The following GREB1 variants were observed in gnomAD, a reference collection of about 807,000 sequenced individuals.
GREB1 encodes growth regulating estrogen receptor binding 1, also known as protein GREB1.
Under a neutral mutation model 200.7 loss-of-function variants are expected in GREB1, and 106 were observed. The ratio of observed to expected loss-of-function variants is 0.53; its 90% CI spans 0.45 to 0.62. GREB1 has a LOEUF of 0.62. GREB1 is among the 20% of genes least tolerant of loss of function. The pLI is 0.00. For synonymous variants in GREB1, 1,132 were observed against 1,092.4 expected, an observed-to-expected ratio of 1.04 and a Z score of -0.72; for missense variants, 2,243 against 2,556.8, an observed-to-expected ratio of 0.88 and a Z score of 2.65.
At position 11,596,022 on chromosome 2, in the gene GREB1, C is replaced by T. The variant is rs115647382; in HGVS notation, c.1826-89C>T. 1,537 of 1,314,846 alleles carry T rather than the reference C, an allele frequency of 1.2e-3. 15 individuals are homozygous for T. The African/African-American group carries it at 0.02, about 17-fold the overall frequency. The allele number at this position is 1,314,846 out of a possible 1,614,324, so 81.4% of individuals were successfully genotyped here. On this transcript the variant is annotated intron_variant, in intron 12 of 32. Transcript: ENST00000381486. The stretch of plus-strand genomic sequence containing the variant: ...TCTTTACCTTCATGACTCCAGGCCT[C>T]GGGACAGTACCTGACACTAACTGCG...
chr2:11,595,790 C>T (rs1558606340), intron 12 of GREB1, among the ~76,000 whole-genome samples: 2 of 152,124 alleles, frequency 1.3e-5, no homozygotes, highest in Non-Finnish European at 2.9e-5. Context: ...GCTACCCACC[C>T]CTCAAGACTC....
chr2:11,566,019 T>TTATATA (rs60231852), intron 3 of GREB1, among the ~76,000 whole-genome samples: 18,818 of 148,894 alleles, frequency 0.13, 1,465 homozygotes, highest in South Asian at 0.21. Context: ...ATAACTATGA[T>TTATATA]TATATATATA....
intron 1 of GREB1, among the ~76,000 whole-genome samples, chr2:11,550,520 G>A (rs1253772796): frequency 6.6e-6 from 1 of 152,170 alleles, no homozygotes; most frequent in Non-Finnish European, 1.5e-5. Flanking sequence ...CCAGACTTCT[G>A]CAGAGAAGGG....
chr2:11,484,991 C>T (rs369068242), intron 1 of GREB1, among the ~76,000 whole-genome samples: 2 of 152,146 alleles, frequency 1.3e-5, no homozygotes, highest in Admixed American at 6.5e-5. Context: ...AGGCGCCCGC[C>T]ACGGCGCCCG....
intron 17 of GREB1, among the ~76,000 whole-genome samples, chr2:11,607,631 C>CATATACAT (rs1288412544): frequency 1.2e-4 from 18 of 147,158 alleles, no homozygotes; most frequent in East Asian, 5.9e-4. Flanking sequence ...CATATATATA[C>CATATACAT]ATATATATAT....
chr2:11,627,132 A>G (rs748157604), intron 25 of GREB1, 28 bp downstream of exon 25: 6 of 1,546,370 alleles, frequency 3.9e-6, no homozygotes, highest in Non-Finnish European at 5.2e-6. Flanking sequence ...CCCACCAGGC[A>G]TTTCACCTTG....
rs141467517 is a variant in GREB1 at position 11,509,401 on chromosome 2, C to T, written c.-159+27020C>T. The stretch of plus-strand genomic sequence containing the variant: ...TCTGCACACATTTTTTCTTTGTTAG[C>T]TTATTTGAAGCAAATCCCAGGTATA... On this transcript the variant is annotated intron_variant, in intron 1 of 2. Coordinates refer to the GREB1 transcript ENST00000628795. Among the ~76,000 whole-genome samples, 145 of 152,020 alleles carry T rather than the reference C, an allele frequency of 9.5e-4. No homozygotes were observed. The Middle Eastern group carries it at 0.014, about 14-fold the overall frequency.
chr2:11,492,719 C>G lies in GREB1; in HGVS notation c.-159+10338C>G, dbSNP rs937159545. Among the ~76,000 whole-genome samples the G allele has an allele frequency of 4.6e-5, 7 of 152,198 alleles. No homozygotes were observed. The highest frequency in any genetic ancestry group is 8.8e-5 in the Non-Finnish European group (6 of 68,042). On this transcript the variant is annotated intron_variant, in intron 1 of 2. Transcript: ENST00000628795. This position sits in a 1 kb window ranked among gnomAD's most constrained non-coding sequence, Gnocchi z 4.0. Reference sequence around the variant, plus strand: ...AAACAGTCTTTCATCTGGACTGTGCCCTAGGGCAGCCCCCTTGAGACTCAC... The same window carrying G: ...AAACAGTCTTTCATCTGGACTGTGCGCTAGGGCAGCCCCCTTGAGACTCAC...
chr2:11,618,882 T>A lies in GREB1; in HGVS notation c.4007T>A (p.Phe1336Tyr). Reference protein sequence around the residue: ...GNRAEGRVDGFHPRRLLLSGP... With the variant: ...GNRAEGRVDGYHPRRLLLSGP... The stretch of plus-strand genomic sequence containing the variant: ...CGGGCCGAGGGCCGCGTGGACGGCT[T>A]CCACCCCCGCAGGCTGCTGCTCAGC... Residue 1336 changes from phenylalanine (F) to tyrosine (Y), a missense_variant, in exon 22 of 33, where the codon TTC becomes TAC. By Grantham distance (22) the Phe-to-Tyr change is conservative (BLOSUM62 3). This residue lies in a region of GREB1 where 587 missense variants were observed against 553.1 expected (regional missense o/e 1.06). Transcript: ENST00000381486. 6.4e-7 allele frequency: 1 copy of A among 1,563,726 alleles called. No homozygotes were observed. Among genetic ancestry groups the A allele is most frequent in the Non-Finnish European group, 8.6e-7 (1 of 1,160,160 alleles).
At chr2:11,565,086 T>TG (rs1677486986) in intron 3 of GREB1, among the ~76,000 whole-genome samples, 1 of 152,218 alleles carries the variant, frequency 6.6e-6, no homozygotes. Context: ...GAGCTGTGGG[T>TG]GGGGGCACAG....
intron 1 of GREB1, among the ~76,000 whole-genome samples, chr2:11,502,105 C>T (rs563411138): frequency 4.7e-5 from 7 of 150,064 alleles, no homozygotes; most frequent in Admixed American, 2.7e-4. Context: ...TTAGTAGAGA[C>T]GGCGTTTCAC....
At position 11,600,866 on chromosome 2, in the gene GREB1, CTGCAGGGAGG is replaced by C. The variant is rs1268300520; in HGVS notation, c.2403_2412del (p.Cys801Ter). 3 of 1,614,144 alleles carry C rather than the reference CTGCAGGGAGG, an allele frequency of 1.9e-6. No homozygotes were observed. Among genetic ancestry groups the C allele is most frequent in the Non-Finnish European group, 2.5e-6 (3 of 1,179,996 alleles). Reference sequence around the variant, plus strand: ...TGGGATTGGTGGACCGATTGCTCAACTGCAGGGAGGTGAAGGAGGCCCCCAACATTGTGAC... The same window carrying C: ...TGGGATTGGTGGACCGATTGCTCAACTGAAGGAGGCCCCCAACATTGTGAC... On this transcript the variant is annotated frameshift_variant, in exon 16 of 33. Transcript: ENST00000381486. LOFTEE classifies it high-confidence loss of function.
intron 1 of GREB1, among the ~76,000 whole-genome samples, chr2:11,488,011 C>T (rs2148399283): frequency 6.6e-6 from 1 of 152,294 alleles, no homozygotes; most frequent in East Asian, 1.9e-4. Context: ...CTCAGGTTCT[C>T]ATCTGCTCCT....
chr2:11,597,048 G>A lies in GREB1; in HGVS notation c.1955-733G>A, dbSNP rs932353372. On this transcript the variant is annotated intron_variant, in intron 13 of 32. Transcript: ENST00000381486. This position sits in a 1 kb window ranked among gnomAD's most constrained non-coding sequence, Gnocchi z 4.1. ...GCGCCAATGGGCACAGGTGTGCACC[G>A]TGAGAGAGGGCAGTGGGCACAGGTG... Among the ~76,000 whole-genome samples, 6 of 151,916 alleles carry A rather than the reference G, an allele frequency of 3.9e-5. No individual in the cohort carries two copies. The highest frequency in any genetic ancestry group is 1.2e-4 in the African/African-American group (5 of 41,320).
chr2:11,496,519 GC>G lies in GREB1; in HGVS notation c.-159+14145del, dbSNP rs1266185067. Among the ~76,000 whole-genome samples, 3 of 68,880 alleles carry G rather than the reference GC, an allele frequency of 4.4e-5. No individual in the cohort carries two copies. In the East Asian group the frequency reaches 2.0e-3, roughly 45 times the overall value. 45.2% of individuals were successfully genotyped at this position (68,880 alleles called of 152,430 possible). A position where few individuals can be genotyped will look rare whatever the true frequency, so the allele number is the denominator to read the frequency against. On this transcript the variant is annotated intron_variant, in intron 1 of 2. Coordinates refer to the GREB1 transcript ENST00000628795. ...GCGACTTATCTTCCCCACCCCGCCC[GC>G]CCCCCCGTCACATGTCTGACGAACA...
intron 1 of GREB1, among the ~76,000 whole-genome samples, chr2:11,497,971 CTTTTTTTTTTTTTTTTTTTT>C (rs70955803): frequency 7.4e-4 from 30 of 40,600 alleles, no homozygotes; most frequent in South Asian, 2.1e-3. Context: ...CAGAGCAAAA[CTTTTTTTTTTTTTTTTTTTT>C]TTTTTTTTTT....
chr2:11,592,660 T>G, intron 10 of GREB1, 116 bp from the exon 11 acceptor site: 1 of 637,358 alleles, frequency 1.6e-6, no homozygotes, highest in Non-Finnish European at 2.5e-6. Context: ...GCTCCAGCCA[T>G]CTGTGATACG....
chr2:11,501,105 A>G (rs1173254371), intron 1 of GREB1, among the ~76,000 whole-genome samples: 1 of 152,184 alleles, frequency 6.6e-6, no homozygotes, highest in African/African-American at 2.4e-5. Flanking sequence ...TCAGGGATCC[A>G]TCATCTGGGC....
At chr2:11,607,607 T>G (rs113116471) in intron 17 of GREB1, among the ~76,000 whole-genome samples, 19 of 32,562 alleles carry the variant, frequency 5.8e-4, no homozygotes, top group Admixed American at 8.3e-4. Flanking sequence ...TATATACATA[T>G]ATACACATAT....
Sources: gnomAD v4.1 joint callset for allele counts (sites outside exome capture counted in the v4.1 genomes callset) on GRCh38, gnomAD v4.1.1 for gene constraint, gnomAD v4.1.1 regional missense constraint, Gnocchi (gnomAD v3.1) non-coding constraint, MANE v1.5 for transcripts, NCBI Gene and HGNC (gene_info 2026-07-23, HGNC 2026-07-21) for gene names.